Variants in BFSP2 observed in about 807,000 individuals in gnomAD.
The protein encoded by BFSP2 is beaded filament structural protein 2.
In BFSP2, 38 loss-of-function variants were observed where a neutral mutation model predicts 44.9. The observed-to-expected ratio is 0.85, with a 90% CI of 0.65 to 1.11. BFSP2 has a LOEUF of 1.11. BFSP2 is among the 50% of genes least tolerant of loss of function. The probability of loss-of-function intolerance (pLI) is 0.00; values close to 1 mark genes in which losing one functional copy is unlikely to be tolerated. For missense variants in BFSP2, 525 were observed against 533.0 expected, an observed-to-expected ratio of 0.99 and a Z score of 0.15; for synonymous variants, 197 against 209.9, an observed-to-expected ratio of 0.94 and a Z score of 0.53.
chr3:133,416,474 C>T (rs529103112), intron 1 of BFSP2, among the ~76,000 whole-genome samples: 40 of 146,146 alleles, frequency 2.7e-4, no homozygotes, highest in Non-Finnish European at 5.1e-4. Flanking sequence ...CCCATCTACT[C>T]ACCACTCTAC....
At chr3:133,448,746 T>G in intron 3 of BFSP2, 101 bp downstream of exon 3, 1 of 1,461,992 alleles carries the variant, frequency 6.8e-7, no homozygotes, top group Non-Finnish European at 9.4e-7. Flanking sequence ...TTTCTGACTC[T>G]CCACATTGCG....
intron 3 of BFSP2, chr3:133,448,985 T>C (rs1251671672): frequency 6.8e-6 from 2 of 292,406 alleles, no homozygotes; most frequent in Non-Finnish European, 1.3e-5. Context: ...CACTGTATTA[T>C]ACAAACAAAA....
chr3:133,410,034 C>T (rs2073435600), intron 1 of BFSP2: 2 of 187,662 alleles, frequency 1.1e-5, no homozygotes, highest in South Asian at 1.4e-4. Flanking sequence ...GACGAAGTTG[C>T]CTTCCCACCT....
chr3:133,437,653 G>GAAGA lies in BFSP2; in HGVS notation c.490-9645_490-9642dup, dbSNP rs544584713. Among the ~76,000 whole-genome samples the GAAGA allele has an allele frequency of 2.1e-3, 314 of 151,484 alleles. 1 individual carries two copies. Among genetic ancestry groups the GAAGA allele is most frequent in the Non-Finnish European group, 3.3e-3 (225 of 67,808 alleles). ...AAAAAGAAAGAAGAGAGAGAGAAAG[G>GAAGA]AAGAAAGAAAGAAAGAAAGAAAAAG... On this transcript the variant is annotated intron_variant, in intron 1 of 6. Transcript: ENST00000302334.
chr3:133,468,217 A>G (rs1157906000), intron 5 of BFSP2, among the ~76,000 whole-genome samples: 1 of 152,180 alleles, frequency 6.6e-6, no homozygotes, highest in Non-Finnish European at 1.5e-5. Context: ...AGCTGATACA[A>G]ATGTGAGGGA....
At chr3:133,460,974 A>C (rs2107935738) in intron 4 of BFSP2, among the ~76,000 whole-genome samples, 1 of 152,376 alleles carries the variant, frequency 6.6e-6, no homozygotes, top group South Asian at 2.1e-4. Flanking sequence ...TCATCTGGAT[A>C]CATGATCTGC....
At chr3:133,428,380 G>A (rs898779580) in intron 1 of BFSP2, among the ~76,000 whole-genome samples, 2 of 152,078 alleles carry the variant, frequency 1.3e-5, no homozygotes, top group African/African-American at 4.8e-5. Flanking sequence ...GAGCCAGTAA[G>A]TCAAGCTCTG....
At chr3:133,425,913 G>GGACAAGGGAAGGCTAGGGAA (rs2073645401) in intron 1 of BFSP2, among the ~76,000 whole-genome samples, 1 of 48,280 alleles carries the variant, frequency 2.1e-5, no homozygotes, top group African/African-American at 1.5e-4. Context: ...AGAGAAAGGA[G>GGACAAGGGAAGGCTAGGGAA]GGCAAGGGAA....
intron 1 of BFSP2, among the ~76,000 whole-genome samples, chr3:133,424,372 C>T (rs912169386): frequency 7.2e-5 from 11 of 151,908 alleles, no homozygotes; most frequent in African/African-American, 2.7e-4. Flanking sequence ...CCGGCCTTCT[C>T]TTCTACTTCT....
intron 5 of BFSP2, among the ~76,000 whole-genome samples, chr3:133,470,887 C>T (rs576191750): frequency 1.3e-5 from 2 of 152,242 alleles, no homozygotes; most frequent in East Asian, 1.9e-4. Context: ...GTGATGGTAG[C>T]GGCAGAGGAG....
At chr3:133,464,506 C>A (rs1193073792) in intron 4 of BFSP2, among the ~76,000 whole-genome samples, 1 of 152,148 alleles carries the variant, frequency 6.6e-6, no homozygotes, top group Non-Finnish European at 1.5e-5. Context: ...AATACATATT[C>A]TTTATTATTA....
intron 1 of BFSP2, among the ~76,000 whole-genome samples, chr3:133,443,986 C>T (rs889396489): frequency 3.9e-5 from 6 of 151,942 alleles, no homozygotes; most frequent in African/African-American, 9.7e-5. Flanking sequence ...TAACTACATC[C>T]GCAGTGAAAA....
chr3:133,442,647 T>C (rs1023868981), intron 1 of BFSP2, among the ~76,000 whole-genome samples: 2 of 152,038 alleles, frequency 1.3e-5, no homozygotes, highest in African/African-American at 4.8e-5. Flanking sequence ...TAGGGTGATG[T>C]CAAGAGAGGT....
intron 4 of BFSP2, among the ~76,000 whole-genome samples, chr3:133,459,757 C>T (rs1287418101): frequency 6.6e-6 from 1 of 152,182 alleles, no homozygotes; most frequent in Non-Finnish European, 1.5e-5. Context: ...TGTGTGCTGC[C>T]TGTCAAAAGC....
chr3:133,427,945 C>T (rs936524607), intron 1 of BFSP2, among the ~76,000 whole-genome samples: 6 of 152,164 alleles, frequency 3.9e-5, no homozygotes, highest in Non-Finnish European at 8.8e-5. Context: ...CCTATGAGGC[C>T]ATTCCTTGTA....
At chr3:133,403,819 T>C (rs1168286148) in intron 1 of BFSP2, among the ~76,000 whole-genome samples, 1 of 151,932 alleles carries the variant, frequency 6.6e-6, no homozygotes, top group Non-Finnish European at 1.5e-5. Flanking sequence ...ACAGCCTGTC[T>C]CACCCCCACC....
At chr3:133,448,374 A>G in intron 2 of BFSP2, 115 bp from the exon 3 acceptor site, 1 of 1,293,948 alleles carries the variant, frequency 7.7e-7, no homozygotes, top group Non-Finnish European at 1.1e-6. Flanking sequence ...TGAAACAGTG[A>G]CTTTTACCAT....
At chr3:133,455,697 G>A (rs1445569210) in intron 4 of BFSP2, 1 of 152,138 alleles carries the variant, frequency 6.6e-6, no homozygotes, top group East Asian at 1.9e-4. Flanking sequence ...CCTCAGTGTT[G>A]AGCAGAGAAC....
intron 1 of BFSP2, among the ~76,000 whole-genome samples, chr3:133,425,616 AACCC>A (rs2073637066): frequency 1.3e-5 from 2 of 152,092 alleles, no homozygotes; most frequent in South Asian, 4.2e-4. Flanking sequence ...TCAACATATC[AACCC>A]TCACTTTCTC....
Sources: allele counts gnomAD v4.1 joint callset (sites outside exome capture counted in the v4.1 genomes callset), GRCh38; gene constraint gnomAD v4.1.1; transcripts MANE v1.5; gene names NCBI Gene and HGNC (gene_info 2026-07-23, HGNC 2026-07-21).